The following PRKN variants were observed in gnomAD, a reference collection of about 807,000 sequenced individuals.
PRKN encodes the protein E3 ubiquitin-protein ligase parkin.
In PRKN, 56 loss-of-function variants were observed where a neutral mutation model predicts 59.5. The observed-to-expected ratio is 0.94, with a 90% CI of 0.76 to 1.18. The LOEUF (loss-of-function observed/expected upper bound fraction) is 1.18, where lower values mean the gene tolerates loss of function less well. Among genes scored for constraint, PRKN ranks in the 50% most tolerant of loss-of-function variants. The pLI, the probability that PRKN is intolerant of heterozygous loss-of-function variation, is 0.00. For synonymous variants in PRKN, 250 were observed against 222.1 expected, an observed-to-expected ratio of 1.13 and a Z score of -1.12; for missense variants, 657 against 596.4, an observed-to-expected ratio of 1.10 and a Z score of -1.06.
chr6:161,379,833 C>T lies in PRKN; in HGVS notation c.1167+6961G>A, dbSNP rs1477698300. On this transcript the variant is annotated intron_variant, in intron 10 of 11. Transcript: ENST00000366898. This position sits in a 1 kb window ranked among gnomAD's most constrained non-coding sequence, Gnocchi z 4.9. ...CCCACAGCATCCTCCAGTACACAGT[C>T]TGCACTCGAATCTCAAGCAGCTCAG... Among the ~76,000 whole-genome samples, 5 of 152,362 alleles carry T rather than the reference C, an allele frequency of 3.3e-5. No homozygotes were observed. In the East Asian group the frequency reaches 7.7e-4, roughly 24 times the overall value.
rs140316608 is a variant in PRKN at position 162,372,802 on chromosome 6, G to A, written c.171+70508C>T. The stretch of plus-strand genomic sequence containing the variant: ...GTTAAGAAGGGGACTTTGCAGTCTG[G>A]TGTACCTGACACTAAAGCCCGTGTA... On this transcript the variant is annotated intron_variant, in intron 2 of 11. Transcript: ENST00000366898. Among the ~76,000 whole-genome samples, 478 of 152,180 alleles carry A rather than the reference G, an allele frequency of 3.1e-3. 4 individuals are homozygous for A. The highest frequency in any genetic ancestry group is 0.011 in the African/African-American group (459 of 41,516).
rs531688324 is a variant in PRKN at position 162,633,432 on chromosome 6, C to CAAAAAAAAAA, written c.7+94220_7+94229dup. Among the ~76,000 whole-genome samples, 582 of 61,814 alleles carry CAAAAAAAAAA rather than the reference C, an allele frequency of 9.4e-3. 71 individuals carry two copies. The highest frequency in any genetic ancestry group is 0.019 in the East Asian group (25 of 1,332). 40.6% of individuals were successfully genotyped at this position (61,814 alleles called of 152,430 possible). On this transcript the variant is annotated intron_variant, in intron 1 of 11. Coordinates refer to ENST00000366898, the MANE Select transcript of PRKN (RefSeq NM_004562.3). ...CCTAGGTGACAGAGCAAGACTGTCT[C>CAAAAAAAAAA]AAAAAAAAAAAAAAAAAAAAAAAAA...
At chr6:162,276,515 C>G (rs1298337672) in intron 2 of PRKN, among the ~76,000 whole-genome samples, 1 of 151,992 alleles carries the variant, frequency 6.6e-6, no homozygotes, top group African/African-American at 2.4e-5. Context: ...TTAGAACTTT[C>G]TATTTAAAAT....
intron 7 of PRKN, among the ~76,000 whole-genome samples, chr6:161,591,643 G>A (rs753582075): frequency 1.3e-5 from 2 of 152,168 alleles, no homozygotes; most frequent in African/African-American, 2.4e-5. Context: ...TCAAATATCC[G>A]AAGGTAAGGC....
chr6:161,351,476 C>G (rs1373041059), intron 11 of PRKN, among the ~76,000 whole-genome samples: 3 of 151,846 alleles, frequency 2.0e-5, no homozygotes, highest in African/African-American at 7.3e-5. Context: ...AGGCGCCCAC[C>G]AACATGCCCA....
At chr6:161,565,140 CTGT>C (rs948868045) in intron 8 of PRKN, among the ~76,000 whole-genome samples, 9 of 152,082 alleles carry the variant, frequency 5.9e-5, no homozygotes, top group African/African-American at 2.2e-4. Context: ...TCAGCTTACA[CTGT>C]TGTTGTAACA....
In PRKN at chr6:161,690,958, AATCCATCC is replaced by A. The variant is rs35211075; in HGVS notation, c.871+94806_871+94813del. On this transcript the variant is annotated intron_variant, in intron 7 of 11. Coordinates refer to ENST00000366898, the MANE Select transcript of PRKN (RefSeq NM_004562.3). ...CTATCTGTGTATCGATCGATTGAAC[AATCCATCC>A]ATCCATCCATCCATCCATCCATCCA... Among the ~76,000 whole-genome samples the A allele has an allele frequency of 4.2e-3, 617 of 145,826 alleles. 3 individuals are homozygous for A. Among genetic ancestry groups the A allele is most frequent in the African/African-American group, 0.014 (546 of 39,458 alleles).
intron 9 of PRKN, among the ~76,000 whole-genome samples, chr6:161,422,005 T>C (rs1483736550): frequency 6.6e-6 from 1 of 152,130 alleles, no homozygotes; most frequent in Non-Finnish European, 1.5e-5. Flanking sequence ...AGCATTTCTG[T>C]TTAACGAGTT....
chr6:162,186,315 T>A (rs1382108970), intron 4 of PRKN, among the ~76,000 whole-genome samples: 1 of 151,968 alleles, frequency 6.6e-6, no homozygotes, highest in East Asian at 1.9e-4. Context: ...AACAGACTTT[T>A]TTTTTTTTTA....
rs1788005638 is a variant in PRKN at position 161,419,766 on chromosome 6, T to A, written c.1084-32889A>T. Among the ~76,000 whole-genome samples, 1 of 152,028 alleles carries A rather than the reference T, an allele frequency of 6.6e-6. No homozygotes were observed. The highest frequency in any genetic ancestry group is 2.4e-5 in the African/African-American group (1 of 41,368). ...TAGCCAGGCCGGAGTTCAGTTCTAG[T>A]CCTCCTACTTCCGACTGATAGTGGC... On this transcript the variant is annotated intron_variant, in intron 9 of 11. Coordinates refer to ENST00000366898, the MANE Select transcript of PRKN (RefSeq NM_004562.3). The surrounding 1 kb of genome is among the most constrained non-coding windows in gnomAD (Gnocchi z 4.1).
intron 5 of PRKN, among the ~76,000 whole-genome samples, chr6:162,025,110 G>A (rs1054911323): frequency 1.3e-5 from 2 of 150,892 alleles, no homozygotes; most frequent in African/African-American, 4.9e-5. Flanking sequence ...CCACCTCCTG[G>A]GTCCACGCCA....
intron 4 of PRKN, among the ~76,000 whole-genome samples, chr6:162,123,886 C>T (rs1380250099): frequency 6.6e-6 from 1 of 152,148 alleles, no homozygotes; most frequent in Non-Finnish European, 1.5e-5. Context: ...ACTCAAAACT[C>T]TTAACAGCTA....
intron 5 of PRKN, among the ~76,000 whole-genome samples, chr6:161,981,164 A>C (rs1410978899): frequency 2.6e-5 from 4 of 152,174 alleles, no homozygotes. Context: ...CTGTCACTTC[A>C]AATCAATCTA....
intron 1 of PRKN, among the ~76,000 whole-genome samples, chr6:162,571,499 A>T (rs1328937719): frequency 2.0e-5 from 3 of 152,154 alleles, no homozygotes; most frequent in Non-Finnish European, 2.9e-5. Flanking sequence ...GCTTTGACAA[A>T]CTTTTGGCAG....
chr6:161,701,790 C>T (rs1309012632), intron 7 of PRKN, among the ~76,000 whole-genome samples: 9 of 152,120 alleles, frequency 5.9e-5, no homozygotes, highest in Admixed American at 5.9e-4. Context: ...CATTACAAGT[C>T]ATTATGTTCA....
chr6:162,714,400 C>T (rs1052906413), intron 1 of PRKN, among the ~76,000 whole-genome samples: 4 of 152,130 alleles, frequency 2.6e-5, no homozygotes, highest in Admixed American at 2.6e-4. Flanking sequence ...GCCCTGAGAG[C>T]AGGCACTGAA....
chr6:161,548,750 G>A lies in PRKN; in HGVS notation c.1083+104C>T. The A allele has an allele frequency of 9.0e-7, 1 of 1,107,210 alleles. No homozygotes were observed. Among genetic ancestry groups the A allele is most frequent in the Non-Finnish European group, 1.3e-6 (1 of 747,516 alleles). 68.6% of individuals were successfully genotyped at this position (1,107,210 alleles called of 1,614,324 possible). On this transcript the variant is annotated intron_variant, in intron 9 of 11. Transcript: ENST00000366898. The surrounding 1 kb of genome is among the most constrained non-coding windows in gnomAD (Gnocchi z 4.2). ...TATATGTAAGTTCAAAGATGTCTAA[G>A]TCCAAAGGGAAAATGAAAATAAAAT...
At chr6:162,521,617 A>C (rs1241667869) in intron 1 of PRKN, among the ~76,000 whole-genome samples, 2 of 152,150 alleles carry the variant, frequency 1.3e-5, no homozygotes, top group Non-Finnish European at 2.9e-5. Flanking sequence ...TACACACACA[A>C]ACTCCATATA....
rs574988194 is a variant in PRKN at position 162,157,123 on chromosome 6, C to A, written c.534+44008G>T. ...TTAAAAAAAAACTACTGGCAAGCCA[C>A]ATTTTGCCAGTATTTTGTTTTTCCT... is the stretch of plus-strand genomic sequence containing the variant. On this transcript the variant is annotated intron_variant, in intron 4 of 11. Transcript: ENST00000366898. Among the ~76,000 whole-genome samples, 142 of 152,104 alleles carry A rather than the reference C, an allele frequency of 9.3e-4. 2 individuals are homozygous for A. The highest frequency in any genetic ancestry group is 3.4e-3 in the African/African-American group (140 of 41,508).
Sources: gnomAD v4.1 joint callset for allele counts (sites outside exome capture counted in the v4.1 genomes callset) on GRCh38, gnomAD v4.1.1 for gene constraint, Gnocchi (gnomAD v3.1) non-coding constraint, MANE v1.5 for transcripts, NCBI Gene and HGNC (gene_info 2026-07-23, HGNC 2026-07-21) for gene names.